ZNF708: variants seen among roughly 807,000 people sequenced by gnomAD.
ZNF708 encodes ZNF15, ZNF15L1.
Under a neutral mutation model 47.0 loss-of-function variants are expected in ZNF708, and 44 were observed. That is an observed-to-expected ratio of 0.94 (90% confidence interval 0.74 to 1.20). The LOEUF is 1.20. Among genes scored for constraint, ZNF708 ranks in the 50% most tolerant of loss-of-function variants. ZNF708 has a pLI of 0.00. For missense variants in ZNF708, 557 were observed against 656.0 expected, an observed-to-expected ratio of 0.85 and a Z score of 1.65; for synonymous variants, 184 against 218.5, an observed-to-expected ratio of 0.84 and a Z score of 1.39.
chr19:21,315,967 G>A (rs527753381), intron 1 of ZNF708, among the ~76,000 whole-genome samples: 1 of 150,458 alleles, frequency 6.6e-6, no homozygotes, highest in Non-Finnish European at 1.5e-5. Context: ...CTACTGAGAG[G>A]CCAAGACAGG....
intron 1 of ZNF708, among the ~76,000 whole-genome samples, chr19:21,312,168 G>A (rs999809144): frequency 5.3e-5 from 8 of 151,998 alleles, no homozygotes; most frequent in African/African-American, 1.2e-4. Flanking sequence ...GGTGGAACGC[G>A]CCTGTAGTCC....
At chr19:21,322,324 CAG>C (rs753998209) in intron 1 of ZNF708, among the ~76,000 whole-genome samples, 35 of 149,926 alleles carry the variant, frequency 2.3e-4, no homozygotes, top group Non-Finnish European at 3.0e-4. Flanking sequence ...TCTTTTGAGA[CAG>C]AGTCTAGTTC....
intron 3 of ZNF708, among the ~76,000 whole-genome samples, chr19:21,295,563 T>A (rs1001053834): frequency 6.6e-6 from 1 of 152,078 alleles, no homozygotes; most frequent in Admixed American, 6.6e-5. Flanking sequence ...CTGACCAACA[T>A]GGAGAAACCC....
At chr19:21,297,359 T>C (rs1972560072) in intron 3 of ZNF708, among the ~76,000 whole-genome samples, 1 of 142,178 alleles carries the variant, frequency 7.0e-6, no homozygotes, top group South Asian at 2.3e-4. Flanking sequence ...GCAACCTACA[T>C]TTCCCGGATT....
chr19:21,308,664 G>A (rs1030570746), intron 3 of ZNF708, among the ~76,000 whole-genome samples: 3 of 152,022 alleles, frequency 2.0e-5, no homozygotes, highest in African/African-American at 7.3e-5. Flanking sequence ...TTCTGCCTTG[G>A]CCTCCCAAAG....
At position 21,316,133 on chromosome 19, in the gene ZNF708, C is replaced by CTTTTTTTT. The variant is rs544312163; in HGVS notation, c.4-5514_4-5507dup. Among the ~76,000 whole-genome samples, 100 of 105,454 alleles carry CTTTTTTTT rather than the reference C, an allele frequency of 9.5e-4. 1 individual carries two copies. Among genetic ancestry groups the CTTTTTTTT allele is most frequent in the African/African-American group, 1.0e-3 (28 of 27,374 alleles). 69.2% of individuals were successfully genotyped at this position (105,454 alleles called of 152,430 possible). The stretch of plus-strand genomic sequence containing the variant: ...TTTCTTTTCTTTTCTTTTCTTTTTT[C>CTTTTTTTT]TTTTTTTTTTTTTTTTTGAGACAGG... On this transcript the variant is annotated intron_variant, in intron 1 of 3. Transcript: ENST00000356929.
At chr19:21,326,965 TTA>T (rs903350071) in intron 1 of ZNF708, among the ~76,000 whole-genome samples, 1 of 151,404 alleles carries the variant, frequency 6.6e-6, no homozygotes, top group African/African-American at 2.4e-5. Context: ...ATATATTTGA[TTA>T]TATATATATT....
chr19:21,316,242 A>G (rs1475358957), intron 1 of ZNF708, among the ~76,000 whole-genome samples: 2 of 144,066 alleles, frequency 1.4e-5, no homozygotes, highest in Admixed American at 7.3e-5. Context: ...CTCCTGCCTC[A>G]GCCTCCCGAG....
intron 1 of ZNF708, among the ~76,000 whole-genome samples, chr19:21,323,822 C>A (rs1173730549): frequency 6.6e-6 from 1 of 152,132 alleles, no homozygotes; most frequent in Admixed American, 6.5e-5. Context: ...AGAGGAGACT[C>A]CCCAGAAAAA....
At chr19:21,310,456 T>A (rs669560) in intron 2 of ZNF708, 45 bp downstream of exon 2, 573,020 of 876,322 alleles carry the variant, frequency 0.65, 165,715 homozygotes, top group African/African-American at 0.78. Flanking sequence ...AAAAAAAAAA[T>A]AATAATAAAT....
At chr19:21,309,118 T>C (rs1253688293) in intron 3 of ZNF708, 128 bp downstream of exon 3, 3 of 921,246 alleles carry the variant, frequency 3.3e-6, no homozygotes, top group African/African-American at 3.5e-5. Flanking sequence ...TATATTAAAG[T>C]TAAAAAAACA....
At chr19:21,324,260 A>C (rs1362993075) in intron 1 of ZNF708, among the ~76,000 whole-genome samples, 1 of 150,610 alleles carries the variant, frequency 6.6e-6, no homozygotes, top group African/African-American at 2.4e-5. Flanking sequence ...AATAAACTTA[A>C]GTGTTTAAAA....
Position 21,308,080 on chromosome 19 carries a change from A to C in ZNF708, c.226+1166T>G, listed in dbSNP as rs183471363. ...AAAAATCTTTACAATAAAAGATATA[A>C]GATTTCAATGATGAAATCAGAGAAG... is the stretch of plus-strand genomic sequence containing the variant. On this transcript the variant is annotated intron_variant, in intron 3 of 3. Coordinates refer to ENST00000356929, the MANE Select transcript of ZNF708 (RefSeq NM_021269.3). Among the ~76,000 whole-genome samples, 55 of 152,180 alleles carry C rather than the reference A, an allele frequency of 3.6e-4. No individual in the cohort carries two copies. The East Asian group carries it at 9.6e-3, about 27-fold the overall frequency.
At chr19:21,316,788 CTTT>C (rs869118560) in intron 1 of ZNF708, among the ~76,000 whole-genome samples, 1 of 138,896 alleles carries the variant, frequency 7.2e-6, no homozygotes, top group Admixed American at 7.2e-5. Context: ...TCCCATCTCT[CTTT>C]TTTTTTTTTT....
chr19:21,294,992 G>C (rs1259557572), intron 3 of ZNF708, among the ~76,000 whole-genome samples: 3 of 152,134 alleles, frequency 2.0e-5, no homozygotes, highest in African/African-American at 7.2e-5. Flanking sequence ...AAAAAGAAAA[G>C]TCTGTTACAT....
In ZNF708 at chr19:21,314,498, A is replaced by G. The variant is rs1612863; in HGVS notation, c.4-3871T>C. On this transcript the variant is annotated intron_variant, in intron 1 of 3. Coordinates refer to ENST00000356929, the MANE Select transcript of ZNF708 (RefSeq NM_021269.3). ...CACAACAATATAAATAAAGTGGCCC[A>G]AATAAAGCTCACAATTTTTTCACAC... is the stretch of plus-strand genomic sequence containing the variant. Among the ~76,000 whole-genome samples, 1,177 of 152,336 alleles carry G rather than the reference A, an allele frequency of 7.7e-3. 16 individuals carry two copies. The highest frequency in any genetic ancestry group is 0.027 in the African/African-American group (1,125 of 41,572).
At chr19:21,317,541 A>G (rs960849801) in intron 1 of ZNF708, among the ~76,000 whole-genome samples, 2 of 152,206 alleles carry the variant, frequency 1.3e-5, no homozygotes, top group African/African-American at 4.8e-5. Context: ...CACGTCTGGT[A>G]ATTCTAGACT....
At position 21,297,299 on chromosome 19, in the gene ZNF708, T is replaced by TTTTTTTTTC. The variant is rs760318274; in HGVS notation, c.227-2561_227-2560insGAAAAAAAA. On this transcript the variant is annotated intron_variant, in intron 3 of 3. Transcript: ENST00000356929. The stretch of plus-strand genomic sequence containing the variant: ...TTTTTTTTTTTTTTTTTTTTTTTTT[T>TTTTTTTTTC]CAGATGGAGTCTCACTCTGTCGCCC... Among the ~76,000 whole-genome samples the TTTTTTTTTC allele has an allele frequency of 2.2e-5, 2 of 89,176 alleles. 1 individual carries two copies. Among genetic ancestry groups the TTTTTTTTTC allele is most frequent in the Non-Finnish European group, 5.0e-5 (2 of 40,224 alleles). 58.5% of individuals were successfully genotyped at this position (89,176 alleles called of 152,430 possible).
intron 1 of ZNF708, among the ~76,000 whole-genome samples, chr19:21,321,832 C>T (rs1037411618): frequency 6.6e-6 from 1 of 151,134 alleles, no homozygotes; most frequent in Non-Finnish European, 1.5e-5. Context: ...ATTCATGACA[C>T]GATTTTACCT....
Sources: gnomAD v4.1 joint callset for allele counts (sites outside exome capture counted in the v4.1 genomes callset) on GRCh38, gnomAD v4.1.1 for gene constraint, MANE v1.5 for transcripts, NCBI Gene and HGNC (gene_info 2026-07-23, HGNC 2026-07-21) for gene names.